Variants in DMBT1 observed in about 807,000 individuals in gnomAD.
DMBT1 encodes the protein deleted in malignant brain tumors 1.
In DMBT1, 198 loss-of-function variants were observed where a neutral mutation model predicts 252.9. The observed-to-expected ratio is 0.78, with a 90% CI of 0.70 to 0.88. The LOEUF is 0.88. Among genes scored for constraint, DMBT1 ranks in the 40% least tolerant of loss-of-function variants. The pLI, the probability that DMBT1 is intolerant of heterozygous loss-of-function variation, is 0.00. For missense variants in DMBT1, 2,432 were observed against 2,404.7 expected (o/e 1.01, Z -0.24); for synonymous variants, 990 against 942.7 (o/e 1.05, Z -0.92).
intron 10 of DMBT1, 90 bp downstream of exon 10, chr10:122,579,991 G>A (rs560044823): frequency 1.9e-6 from 3 of 1,587,656 alleles, no homozygotes; most frequent in Non-Finnish European, 2.6e-6. Context: ...CTCACTCAAA[G>A]CTTCTATGTT....
chr10:122,597,937 A>G (rs2097899015), intron 24 of DMBT1, 37 bp from the exon 25 acceptor site: 6 of 1,613,792 alleles, frequency 3.7e-6, no homozygotes, highest in Middle Eastern at 1.7e-4. Flanking sequence ...TTCACCATCA[A>G]CTTTAATTCT....
chr10:122,586,431 C>T, intron 16 of DMBT1, 48 bp downstream of exon 16: 1 of 1,581,186 alleles, frequency 6.3e-7, no homozygotes, highest in Non-Finnish European at 8.6e-7. Flanking sequence ...AGATTTTGCT[C>T]AGGAAGGTTT....
In DMBT1 at chr10:122,640,107, G is replaced by C; in HGVS notation, c.7010G>C (p.Arg2337Thr). The change falls in exon 55 of 56, where the codon AGG (arginine) becomes ACG (threonine). Residue 2337 changes from arginine (R) to threonine (T), a missense_variant. Arg to Thr is a moderately conservative substitution (Grantham distance 71). Coordinates refer to ENST00000338354, the MANE Select transcript of DMBT1 (RefSeq NM_001377530.1). ...GCTGTCTCAGGTGGCATCATCAAGA[G>C]GAGGACAGACCTCCGTATTCACGTC... is the stretch of plus-strand genomic sequence containing the variant. The part of the protein sequence containing the change: ...TAAVSGGIIK[R>T]RTDLRIHVSC... The C allele has an allele frequency of 6.2e-7, 1 of 1,614,056 alleles. No homozygotes were observed. Among genetic ancestry groups the C allele is most frequent in the Non-Finnish European group, 8.5e-7 (1 of 1,179,906 alleles).
At chr10:122,631,417 A>T in intron 49 of DMBT1, 136 bp downstream of exon 49, 1 of 1,111,524 alleles carries the variant, frequency 9.0e-7, no homozygotes. Flanking sequence ...GCACTCCAGA[A>T]GAGCATGCAG....
chr10:122,639,892 G>A, intron 54 of DMBT1, 148 bp from the exon 55 acceptor site: 1 of 952,048 alleles, frequency 1.1e-6, no homozygotes, highest in African/African-American at 1.7e-5. Flanking sequence ...CCAAAGGATA[G>A]GCACGTGCCA....
At chr10:122,563,138 G>A (rs2097562780) in intron 1 of DMBT1, among the ~76,000 whole-genome samples, 1 of 152,220 alleles carries the variant, frequency 6.6e-6, no homozygotes, top group African/African-American at 2.4e-5. Context: ...AAACTCTTGA[G>A]AAAAACTCAG....
At chr10:122,628,353 T>G (rs2098133438) in intron 46 of DMBT1, among the ~76,000 whole-genome samples, 1 of 152,182 alleles carries the variant, frequency 6.6e-6, no homozygotes, top group African/African-American at 2.4e-5. Flanking sequence ...AATTTAATAG[T>G]GGCCGGGCGC....
Position 122,632,879 on chromosome 10 carries a change from C to T in DMBT1, c.6386C>T (p.Thr2129Ile), listed in dbSNP as rs761560604. The T allele has an allele frequency of 1.2e-6, 2 of 1,613,906 alleles. No homozygotes were observed. The highest frequency in any genetic ancestry group is 1.7e-6 in the Non-Finnish European group (2 of 1,179,870). ...TCAACAGCTCCTTTTCTCAACATCACCCGTCCAAACAGTAAGTTCTGAGCT... is the reference window on the plus strand; with the variant it reads ...TCAACAGCTCCTTTTCTCAACATCATCCGTCCAAACAGTAAGTTCTGAGCT... ...LSTPAPFLNI[T>I]RPNTDYSCGG... Residue 2129 changes from threonine to isoleucine, a missense_variant, in exon 51 of 56, where the codon ACC (threonine) becomes ATC (isoleucine). Coordinates refer to ENST00000338354, the MANE Select transcript of DMBT1 (RefSeq NM_001377530.1).
At chr10:122,565,824 A>G in intron 1 of DMBT1, 143 bp from the exon 2 acceptor site, 1 of 748,148 alleles carries the variant, frequency 1.3e-6, no homozygotes, top group East Asian at 2.7e-5. Context: ...TTCATTTAGC[A>G]AGAACGTCGG....
At chr10:122,630,081 TC>T in intron 47 of DMBT1, 88 bp downstream of exon 47, 1 of 1,557,298 alleles carries the variant, frequency 6.4e-7, no homozygotes, top group Non-Finnish European at 8.7e-7. Flanking sequence ...GGGATGCTTT[TC>T]ACTCTCATGT....
chr10:122,634,400 C>CTTTCTTTCTTTCTTTCT (rs1289740443), intron 52 of DMBT1, among the ~76,000 whole-genome samples: 2 of 84,414 alleles, frequency 2.4e-5, no homozygotes, highest in Non-Finnish European at 4.8e-5. Context: ...TTCTTTCTTT[C>CTTTCTTTCTTTCTTTCT]TTTTCTTTCT....
rs781425662 is a variant in DMBT1 at position 122,640,432 on chromosome 10, T to C, written c.7335T>C (p.Tyr2445=). The stretch of plus-strand genomic sequence containing the variant: ...CCAATGACTTCACGTCTTTGACTTA[T>C]GATCTAATCCGGAGTGGGTAAGGAG... ...PYSNDFTSLT[Y]DLIRSGCVRD... is the part of the protein sequence containing the mutation. The change falls in exon 55 of 56, where the codon TAT becomes TAC. Residue 2445 remains tyrosine (Y), a synonymous_variant. Transcript: ENST00000338354. 2 of 1,613,338 alleles carry C rather than the reference T, an allele frequency of 1.2e-6. No individual in the cohort carries two copies. Among genetic ancestry groups the C allele is most frequent in the Non-Finnish European group, 1.7e-6 (2 of 1,179,646 alleles).
chr10:122,573,906 C>T, intron 6 of DMBT1, 144 bp downstream of exon 6: 1 of 995,732 alleles, frequency 1.0e-6, no homozygotes, highest in Non-Finnish European at 1.6e-6. Context: ...GGCCTCAGGT[C>T]TGAACAGGTA....
At chr10:122,626,395 T>C (rs2098119237) in intron 46 of DMBT1, among the ~76,000 whole-genome samples, 1 of 152,246 alleles carries the variant, frequency 6.6e-6, no homozygotes, top group Non-Finnish European at 1.5e-5. Flanking sequence ...AGATATGCCA[T>C]GAATTATTTG....
At chr10:122,572,162 C>CA (rs1197613372) in intron 4 of DMBT1, among the ~76,000 whole-genome samples, 152 bp from the exon 5 acceptor site, 1 of 152,194 alleles carries the variant, frequency 6.6e-6, no homozygotes, top group Non-Finnish European at 1.5e-5. Flanking sequence ...AGTACAGTGA[C>CA]AGAGTGATTG....
At chr10:122,579,103 C>G (rs2097740798) in intron 9 of DMBT1, among the ~76,000 whole-genome samples, 1 of 152,078 alleles carries the variant, frequency 6.6e-6, no homozygotes, top group South Asian at 2.1e-4. Flanking sequence ...TGCTGGTGAC[C>G]TGTCTCCTGT....
rs115542822 is a variant in DMBT1 at position 122,621,357 on chromosome 10, A to G, written c.5585A>G (p.Glu1862Gly). ...CTCACCCACAACTGTGGCCATCACGAAGACGCTGGTGTCATCTGCTCAGGT... is the reference window on the plus strand; with the variant it reads ...CTCACCCACAACTGTGGCCATCACGGAGACGCTGGTGTCATCTGCTCAGGT... Reference protein sequence around the residue: ...GWLTHNCGHHEDAGVICSATQ... With the variant: ...GWLTHNCGHHGDAGVICSATQ... The change falls in exon 44 of 56, where the codon GAA becomes GGA. Residue 1862 changes from glutamate to glycine, a missense_variant. This residue lies in a region of DMBT1 where 1,162 missense variants were observed against 1,169.0 expected (regional missense o/e 0.99). Coordinates refer to ENST00000338354, the MANE Select transcript of DMBT1 (RefSeq NM_001377530.1). The G allele has an allele frequency of 5.1e-4, 824 of 1,613,856 alleles. 4 individuals are homozygous for G. In the African/African-American group the frequency reaches 9.7e-3, roughly 19 times the overall value.
At chr10:122,572,260 C>A (rs754260187) in intron 4 of DMBT1, 54 bp from the exon 5 acceptor site, 56 of 1,608,956 alleles carry the variant, frequency 3.5e-5, no homozygotes, top group Admixed American at 6.7e-5. Context: ...CATGGACCAA[C>A]CCTCTTCAAG....
chr10:122,620,090 C>G (rs1591478913), intron 42 of DMBT1, among the ~76,000 whole-genome samples, 163 bp from the exon 43 acceptor site: 2 of 152,324 alleles, frequency 1.3e-5, no homozygotes, highest in African/African-American at 4.8e-5. Flanking sequence ...GCCTTTGTTC[C>G]TGGCTGTGCT....
Sources: gnomAD v4.1 joint callset for allele counts (sites outside exome capture counted in the v4.1 genomes callset) on GRCh38, gnomAD v4.1.1 for gene constraint, gnomAD v4.1.1 regional missense constraint, MANE v1.5 for transcripts, NCBI Gene and HGNC (gene_info 2026-07-23, HGNC 2026-07-21) for gene names.